SPTA1: variants seen among roughly 807,000 people sequenced by gnomAD.
The protein encoded by SPTA1 is spectrin alpha, erythrocytic 1, also known as spectrin alpha chain, erythrocytic 1.
In SPTA1, 177 loss-of-function variants were observed where a neutral mutation model predicts 324.7. The observed-to-expected ratio is 0.55, with a 90% confidence interval of 0.48 to 0.62. SPTA1 has a LOEUF of 0.62. SPTA1 is among the 20% of genes least tolerant of loss of function. The pLI, the probability that SPTA1 is intolerant of heterozygous loss-of-function variation, is 0.00. For missense variants in SPTA1, 3,162 were observed against 2,883.6 expected (o/e 1.10, Z -2.21); for synonymous variants, 1,195 against 1,041.3 (o/e 1.15, Z -2.84).
In SPTA1 at chr1:158,614,311, A is replaced by G; in HGVS notation, c.6789-5T>C. The G allele has an allele frequency of 6.5e-7, 1 of 1,539,264 alleles. No individual in the cohort carries two copies. Among genetic ancestry groups the G allele is most frequent in the Non-Finnish European group, 8.8e-7 (1 of 1,134,426 alleles). Reference sequence around the variant, plus strand: ...TCACTCACACCTTTGATGTCCCTGAAAGAAAAAAAAAAAACATGAATTTTC... The same window carrying G: ...TCACTCACACCTTTGATGTCCCTGAGAGAAAAAAAAAAAACATGAATTTTC... On this transcript the variant is annotated splice_region_variant and splice_polypyrimidine_tract_variant and intron_variant, in intron 48 of 51. Coordinates refer to ENST00000643759, the MANE Select transcript of SPTA1 (RefSeq NM_003126.4).
intron 47 of SPTA1, among the ~76,000 whole-genome samples, chr1:158,616,801 G>T (rs1649582977): frequency 6.6e-6 from 1 of 151,980 alleles, no homozygotes; most frequent in Admixed American, 6.6e-5. Flanking sequence ...TGAATCATAT[G>T]GTCTTTATCT....
rs1247153673 is a variant in SPTA1 at position 158,674,680 on chromosome 1, G to A, written c.1113-5C>T. ...TCAGATGAAAATCGATGGTACCTGT[G>A]GGAAAAGTGAGGTAAAAGACAGGAA... On this transcript the variant is annotated splice_region_variant and splice_polypyrimidine_tract_variant and intron_variant, in intron 8 of 51. Transcript: ENST00000643759. 3 of 1,613,394 alleles carry A rather than the reference G, an allele frequency of 1.9e-6. No homozygotes were observed. Among genetic ancestry groups the A allele is most frequent in the Admixed American group, 3.3e-5 (2 of 59,980 alleles).
rs771878529 is a variant in SPTA1 at position 158,661,349 on chromosome 1, A to G, written c.2525T>C (p.Ile842Thr). 16 of 1,613,892 alleles carry G rather than the reference A, an allele frequency of 9.9e-6. No homozygotes were observed. In the East Asian group the frequency reaches 2.7e-4, roughly 27 times the overall value. ...TTGAATGCGTGGTTCATGGCTGGCAATGTTCTCCAGGATGACTCTATGCCT... is the reference window on the plus strand; with the variant it reads ...TTGAATGCGTGGTTCATGGCTGGCAGTGTTCTCCAGGATGACTCTATGCCT... Reference protein sequence around the residue: ...LNRHRVILENIASHEPRIQEI... With the variant: ...LNRHRVILENTASHEPRIQEI... Residue 842 changes from isoleucine to threonine, a missense_variant, in exon 18 of 52, where the codon ATT (isoleucine) becomes ACT (threonine). By Grantham distance (89) the Ile-to-Thr change is moderately conservative (BLOSUM62 -1). Coordinates refer to ENST00000643759, the MANE Select transcript of SPTA1 (RefSeq NM_003126.4).
intron 47 of SPTA1, among the ~76,000 whole-genome samples, chr1:158,616,274 AGC>A (rs1649552201): frequency 6.6e-6 from 1 of 152,172 alleles, no homozygotes; most frequent in Non-Finnish European, 1.5e-5. Context: ...ATTTTCTTCT[AGC>A]TATTTTAAAA....
intron 25 of SPTA1, 106 bp from the exon 26 acceptor site, chr1:158,648,759 C>T (rs1175058256): frequency 1.9e-6 from 2 of 1,040,724 alleles, no homozygotes; most frequent in Non-Finnish European, 2.7e-6. Flanking sequence ...CATCCTCCCA[C>T]CCACCCCCCC....
At chr1:158,657,788 A>T in intron 18 of SPTA1, 94 bp from the exon 19 acceptor site, 1 of 1,295,252 alleles carries the variant, frequency 7.7e-7, no homozygotes, top group South Asian at 1.2e-5. Context: ...AAAGGAAGTG[A>T]TAAAAATGGT....
chr1:158,658,067 C>T (rs902567215), intron 18 of SPTA1, among the ~76,000 whole-genome samples: 2 of 152,108 alleles, frequency 1.3e-5, no homozygotes, highest in African/African-American at 4.8e-5. Context: ...GTTGCTCTTC[C>T]ACCCTAAACA....
chr1:158,665,637 C>T (rs1009972893), intron 16 of SPTA1, among the ~76,000 whole-genome samples: 2 of 152,216 alleles, frequency 1.3e-5, no homozygotes, highest in African/African-American at 4.8e-5. Context: ...GAGAAAATAT[C>T]TCTGAAACTA....
In SPTA1 at chr1:158,678,393, A is replaced by T; in HGVS notation, c.812+8T>A. The T allele has an allele frequency of 1.2e-6, 2 of 1,613,540 alleles. No individual in the cohort carries two copies. The highest frequency in any genetic ancestry group is 2.7e-5 in the African/African-American group (2 of 74,994). On this transcript the variant is annotated splice_region_variant and intron_variant, in intron 6 of 51. Coordinates refer to ENST00000643759, the MANE Select transcript of SPTA1 (RefSeq NM_003126.4). Reference sequence around the variant, plus strand: ...AAGTTTTCTATAAAGCAGTGGCCAGATCCATACCTTTTGAATCGTTGTAAG... The same window carrying T: ...AAGTTTTCTATAAAGCAGTGGCCAGTTCCATACCTTTTGAATCGTTGTAAG...
chr1:158,642,825 T>C lies in SPTA1; in HGVS notation c.4594A>G (p.Thr1532Ala), dbSNP rs764198221. 4 of 1,613,930 alleles carry C rather than the reference T, an allele frequency of 2.5e-6. No individual in the cohort carries two copies. Among genetic ancestry groups the C allele is most frequent in the East Asian group, 2.2e-5 (1 of 44,872 alleles). The stretch of plus-strand genomic sequence containing the variant: ...TATTTTGAACTTGCCTGAATGTTAG[T>C]GGCGTCTTTGTAGGATTCATCACAG... Reference protein sequence around the residue: ...TACDESYKDATNIQRKYLKHQ... With the variant: ...TACDESYKDAANIQRKYLKHQ... Residue 1532 changes from threonine to alanine, a missense_variant, in exon 32 of 52, where the codon ACT becomes GCT. Thr to Ala is a moderately conservative substitution (Grantham distance 58, BLOSUM62 0). Coordinates refer to ENST00000643759, the MANE Select transcript of SPTA1 (RefSeq NM_003126.4).
chr1:158,662,737 T>C lies in SPTA1; in HGVS notation c.2429A>G (p.Gln810Arg). The C allele has an allele frequency of 6.2e-7, 1 of 1,613,990 alleles. No homozygotes were observed. The highest frequency in any genetic ancestry group is 8.5e-7 in the Non-Finnish European group (1 of 1,179,962). ...GGAAGTAGCTGAGGGTTCAGTCTCT[T>C]GGATCCAGGCCTCCTCATCCTCTGT... ...RDTEDEEAWI[Q>R]ETEPSATSTY... The change falls in exon 17 of 52, where the codon CAA (glutamine) becomes CGA (arginine). Residue 810 changes from glutamine to arginine, a missense_variant. Gln to Arg is a conservative substitution (Grantham distance 43, BLOSUM62 1). Transcript: ENST00000643759.
At chr1:158,612,664 A>G in intron 51 of SPTA1, 153 bp downstream of exon 51, 1 of 781,814 alleles carries the variant, frequency 1.3e-6, no homozygotes. Flanking sequence ...GACAAAATGA[A>G]GTGGTTACCA....
In SPTA1 at chr1:158,627,610, C is replaced by T; in HGVS notation, c.5664+15G>A. 1 of 1,612,084 alleles carries T rather than the reference C, an allele frequency of 6.2e-7. No homozygotes were observed. Among genetic ancestry groups the T allele is most frequent in the East Asian group, 2.2e-5 (1 of 44,832 alleles). ...GAGAATGGAAGTTTGAGCTGGAATT[C>T]CTGAACTAGCTCACCTTATTTAGGA... On this transcript the variant is annotated intron_variant, in intron 40 of 51. Coordinates refer to ENST00000643759, the MANE Select transcript of SPTA1 (RefSeq NM_003126.4).
At position 158,636,751 on chromosome 1, in the gene SPTA1, T is replaced by A. The variant is rs370258501; in HGVS notation, c.5200A>T (p.Ile1734Leu). 1 of 1,613,988 alleles carries A rather than the reference T, an allele frequency of 6.2e-7. No individual in the cohort carries two copies. Among genetic ancestry groups the A allele is most frequent in the Non-Finnish European group, 8.5e-7 (1 of 1,180,004 alleles). Reference sequence around the variant, plus strand: ...CCATAGTCCTGGGAGCTCACTCGTATCAACTTCTCCCTAAAATCAAGGAAG... The same window carrying A: ...CCATAGTCCTGGGAGCTCACTCGTAACAACTTCTCCCTAAAATCAAGGAAG... ...DEESWIEEKL[I>L]RVSSQDYGRD... Residue 1734 changes from isoleucine (I) to leucine (L), a missense_variant, in exon 37 of 52, where the codon ATA (isoleucine) becomes TTA (leucine). Transcript: ENST00000643759.
chr1:158,677,393 A>G (rs557840603), intron 7 of SPTA1, among the ~76,000 whole-genome samples: 4 of 152,196 alleles, frequency 2.6e-5, no homozygotes, highest in Admixed American at 2.6e-4. Flanking sequence ...TTAGGAATCA[A>G]CCTTGAAGGT....
chr1:158,620,212 C>T lies in SPTA1; in HGVS notation c.6375G>A (p.Glu2125=), dbSNP rs1269353663. 1.2e-6 allele frequency: 2 copies of T among 1,614,108 alleles called. No homozygotes were observed. The highest frequency in any genetic ancestry group is 1.1e-5 in the South Asian group (1 of 91,070). The change falls in exon 44 of 52, where the codon GAG becomes GAA. Residue 2125 remains glutamate, a synonymous_variant. Coordinates refer to ENST00000643759, the MANE Select transcript of SPTA1 (RefSeq NM_003126.4). ...GGTGCTTCCAGGTCCTTTCCAGCAC[C>T]TCCACTGTTAACCAGGTATAAGGGC... ...PSSPYTWLTV[E]VLERTWKHLS... is the part of the protein sequence containing the mutation.
chr1:158,643,226 G>T, intron 31 of SPTA1, 96 bp downstream of exon 31: 1 of 1,423,602 alleles, frequency 7.0e-7, no homozygotes, highest in Non-Finnish European at 9.8e-7. Flanking sequence ...ACCTAGAAAT[G>T]ACAGGAAGCC....
rs186565317 is a variant in SPTA1 at position 158,680,066 on chromosome 1, T to C, written c.678+517A>G. 2.2e-3 allele frequency among the ~76,000 whole-genome samples: 336 copies of C among 152,268 alleles called. 4 individuals are homozygous for C. The highest frequency in any genetic ancestry group is 0.02 in the Middle Eastern group (6 of 294). Reference sequence around the variant, plus strand: ...ATATACATGTAAACTTATATATATATACACATCACAAACTTAAGTATTTTC... The same window carrying C: ...ATATACATGTAAACTTATATATATACACACATCACAAACTTAAGTATTTTC... On this transcript the variant is annotated intron_variant, in intron 5 of 51. Transcript: ENST00000643759.
chr1:158,666,321 G>A lies in SPTA1; in HGVS notation c.2215C>T (p.Arg739Cys), dbSNP rs199544164. 48 of 1,613,128 alleles carry A rather than the reference G, an allele frequency of 3.0e-5. No individual in the cohort carries two copies. Among genetic ancestry groups the A allele is most frequent in the South Asian group, 1.8e-4 (16 of 90,998 alleles). Residue 739 changes from arginine (R) to cysteine (C), a missense_variant, in exon 16 of 52, where the codon CGT (arginine) becomes TGT (cysteine). Physicochemically the swap from Arg to Cys is radical, Grantham distance 180 (BLOSUM62 -3). Coordinates refer to ENST00000643759, the MANE Select transcript of SPTA1 (RefSeq NM_003126.4). ...CCAAAGAGCTAACAACAAACCTGAC[G>A]AGCAGCCACAGCCGACTCCAGGAGG... ...HGLLESAVAA[R>C]QDQVDILTDL...
Sources: gnomAD v4.1 joint callset for allele counts (sites outside exome capture counted in the v4.1 genomes callset) on GRCh38, gnomAD v4.1.1 for gene constraint, MANE v1.5 for transcripts, NCBI Gene and HGNC (gene_info 2026-07-23, HGNC 2026-07-21) for gene names.